Variants in REV3L observed in about 807,000 individuals in gnomAD.
REV3L encodes the protein REV3 like, DNA directed polymerase zeta catalytic subunit.
REV3L carries 69 observed loss-of-function variants against 299.4 expected under a neutral mutation model. That is an observed-to-expected ratio of 0.23 (90% CI 0.19 to 0.28). The LOEUF (loss-of-function observed/expected upper bound fraction) is 0.28, where lower values mean the gene tolerates loss of function less well. Ranked by LOEUF, REV3L falls within the 10% of genes least tolerant of loss-of-function variation. The pLI is 1.00. For synonymous variants in REV3L, 1,238 were observed against 1,271.4 expected (o/e 0.97, Z 0.56); for missense variants, 3,128 against 3,693.8 (o/e 0.85, Z 3.97).
chr6:111,436,284 C>A (rs1562309439), intron 1 of REV3L, among the ~76,000 whole-genome samples: 1 of 152,042 alleles, frequency 6.6e-6, no homozygotes, highest in Non-Finnish European at 1.5e-5. Context: ...TGAATATAAA[C>A]CCAAAAGAAA....
chr6:111,299,987 A>G lies in REV3L; in HGVS notation c.*29T>C. On this transcript the variant is annotated 3_prime_UTR_variant, in exon 32 of 32. Coordinates refer to ENST00000368802, the MANE Select transcript of REV3L (RefSeq NM_001372078.1). ...TTTAGTGGTAAGCACTGAAAAAAAT[A>G]GCACCTGTAATACTGTGATATTGAC... The G allele has an allele frequency of 1.3e-6, 2 of 1,592,762 alleles. No homozygotes were observed. Among genetic ancestry groups the G allele is most frequent in the South Asian group, 2.3e-5 (2 of 87,072 alleles).
At chr6:111,335,226 G>GT (rs751137450) in intron 22 of REV3L, among the ~76,000 whole-genome samples, 39 of 152,022 alleles carry the variant, frequency 2.6e-4, no homozygotes, top group Admixed American at 1.4e-3. Context: ...TTTAATCACA[G>GT]TAACAATATT....
chr6:111,322,256 TTAAAAG>T (rs1774267489), intron 26 of REV3L, among the ~76,000 whole-genome samples: 1 of 152,186 alleles, frequency 6.6e-6, no homozygotes, highest in South Asian at 2.1e-4. Flanking sequence ...ATTATTCACA[TTAAAAG>T]TAGTTTCTTT....
chr6:111,326,176 A>C (rs1007152095), intron 25 of REV3L, among the ~76,000 whole-genome samples: 7 of 152,220 alleles, frequency 4.6e-5, no homozygotes, highest in Admixed American at 4.6e-4. Flanking sequence ...TAAAGGAAAT[A>C]ATCAACAAAG....
intron 16 of REV3L, among the ~76,000 whole-genome samples, chr6:111,362,150 C>CTT (rs1444070667): frequency 2.6e-5 from 4 of 152,112 alleles, no homozygotes; most frequent in Non-Finnish European, 5.9e-5. Flanking sequence ...GAATTTATCA[C>CTT]TTAATTTATC....
At position 111,422,679 on chromosome 6, in the gene REV3L, CGTATATAT is replaced by C. The variant is rs1375437356; in HGVS notation, c.140-6215_140-6208del. ...ATATATATACATATATATATATATA[CGTATATAT>C]ATATATATATATATTTCCCCCCACT... On this transcript the variant is annotated intron_variant, in intron 1 of 31. Transcript: ENST00000368802. 7.2e-4 allele frequency among the ~76,000 whole-genome samples: 18 copies of C among 24,940 alleles called. 2 individuals are homozygous for C. The highest frequency in any genetic ancestry group is 1.7e-3 in the African/African-American group (13 of 7,430). The allele number at this position is 24,940 out of a possible 152,430, so 16.4% of individuals were successfully genotyped here.
At position 111,418,045 on chromosome 6, in the gene REV3L, G is replaced by T. The variant is rs576558161; in HGVS notation, c.140-1573C>A. ...TCTTAATAGATTTAATCAATTTACTGATGACTTACTTGAATGCTTTTTAAA... is the reference window on the plus strand; with the variant it reads ...TCTTAATAGATTTAATCAATTTACTTATGACTTACTTGAATGCTTTTTAAA... On this transcript the variant is annotated intron_variant, in intron 1 of 31. Coordinates refer to ENST00000368802, the MANE Select transcript of REV3L (RefSeq NM_001372078.1). Among the ~76,000 whole-genome samples the T allele has an allele frequency of 1.0e-3, 153 of 152,252 alleles. 1 individual carries two copies. The highest frequency in any genetic ancestry group is 9.4e-4 in the Non-Finnish European group (64 of 68,006).
chr6:111,305,423 T>C (rs1308231619), intron 31 of REV3L, among the ~76,000 whole-genome samples: 2 of 151,698 alleles, frequency 1.3e-5, no homozygotes, highest in Admixed American at 6.6e-5. Flanking sequence ...AGACCCGATG[T>C]CTAAAAAAAA....
At chr6:111,470,835 C>A (rs1792110562) in intron 1 of REV3L, among the ~76,000 whole-genome samples, 1 of 152,058 alleles carries the variant, frequency 6.6e-6, no homozygotes, top group Admixed American at 6.6e-5. Context: ...CAAAAAGTAG[C>A]CGGGTGTGGT....
intron 1 of REV3L, among the ~76,000 whole-genome samples, chr6:111,458,316 A>C (rs1321638489): frequency 5.3e-5 from 8 of 152,162 alleles, no homozygotes; most frequent in African/African-American, 1.9e-4. Context: ...ACACACCCAC[A>C]GCCAACATCA....
At chr6:111,308,388 T>C (rs1453126233) in intron 30 of REV3L, 8 of 329,576 alleles carry the variant, frequency 2.4e-5, no homozygotes, top group Middle Eastern at 2.0e-3. Context: ...CTTAGTAACA[T>C]ATAGGTGGGC....
At chr6:111,461,441 T>G (rs1443839948) in intron 1 of REV3L, among the ~76,000 whole-genome samples, 1 of 152,072 alleles carries the variant, frequency 6.6e-6, no homozygotes, top group Non-Finnish European at 1.5e-5. Flanking sequence ...TTTAAAAAAC[T>G]AAGAAGTTAA....
chr6:111,426,130 A>C (rs1786149765), intron 1 of REV3L, among the ~76,000 whole-genome samples: 1 of 152,194 alleles, frequency 6.6e-6, no homozygotes, highest in African/African-American at 2.4e-5. Context: ...CTGGTGTCTG[A>C]AGTGAGCAGT....
chr6:111,411,950 T>G, intron 2 of REV3L: 2 of 983,744 alleles, frequency 2.0e-6, no homozygotes, highest in Non-Finnish European at 2.4e-6. Flanking sequence ...ACTCCACATA[T>G]GAGAGAAACA....
chr6:111,434,353 G>A (rs1239042857), intron 1 of REV3L, among the ~76,000 whole-genome samples: 2 of 152,132 alleles, frequency 1.3e-5, no homozygotes, highest in African/African-American at 2.4e-5. Flanking sequence ...GGTGGCTCAT[G>A]CCTGTAATCC....
rs1023801231 is a variant in REV3L, at chr6:111,299,378, T to C, written c.*638A>G. 2.7e-5 allele frequency: 4 copies of C among 148,374 alleles called. No homozygotes were observed. The highest frequency in any genetic ancestry group is 4.5e-5 in the Non-Finnish European group (3 of 66,946). The allele number at this position is 148,374 out of a possible 1,614,324, so 9.2% of individuals were successfully genotyped here. A position where few individuals can be genotyped will look rare whatever the true frequency, so the allele number is the denominator to read the frequency against. ...ACAGTTCCTCACAATGCCCCATTAA[T>C]AGCTAAAGCAAGACAGCATTTTTTA... On this transcript the variant is annotated 3_prime_UTR_variant, in exon 32 of 32. Transcript: ENST00000368802.
chr6:111,301,904 C>T (rs1183566959), intron 31 of REV3L, among the ~76,000 whole-genome samples: 1 of 152,076 alleles, frequency 6.6e-6, no homozygotes, highest in Non-Finnish European at 1.5e-5. Flanking sequence ...AAAATGCAGG[C>T]CGACTTTCAC....
chr6:111,304,421 A>G (rs1582420228), intron 31 of REV3L, among the ~76,000 whole-genome samples: 1 of 149,566 alleles, frequency 6.7e-6, no homozygotes, highest in African/African-American at 2.5e-5. Context: ...TTGGATTGAG[A>G]ATGATGTAAA....
chr6:111,329,720 C>A lies in REV3L; in HGVS notation c.8053G>T (p.Val2685Leu), dbSNP rs745884743. ...AFVKPSVRKG[V>L]LPRMLEEILK... ...ATTTCTTCAAGCATTCTTGGTAGTACACCTTTTCTTACTGAAGGCTATCAT... is the reference window on the plus strand; with the variant it reads ...ATTTCTTCAAGCATTCTTGGTAGTAAACCTTTTCTTACTGAAGGCTATCAT... Residue 2685 changes from valine to leucine, a missense_variant, in exon 25 of 32, where the codon GTA (valine) becomes TTA (leucine). Physicochemically the swap from Val to Leu is conservative, Grantham distance 32 (BLOSUM62 1). Coordinates refer to ENST00000368802, the MANE Select transcript of REV3L (RefSeq NM_001372078.1). 6.2e-7 allele frequency: 1 copy of A among 1,612,986 alleles called. No homozygotes were observed. Among genetic ancestry groups the A allele is most frequent in the Admixed American group, 1.7e-5 (1 of 60,006 alleles).
Sources: allele counts gnomAD v4.1 joint callset (sites outside exome capture counted in the v4.1 genomes callset), GRCh38; gene constraint gnomAD v4.1.1; transcripts MANE v1.5; gene names NCBI Gene and HGNC (gene_info 2026-07-23, HGNC 2026-07-21).